HEATR1: variants seen among roughly 807,000 people sequenced by gnomAD.
HEATR1 encodes the protein HEAT repeat containing 1.
In HEATR1, 77 loss-of-function variants were observed where a neutral mutation model predicts 248.2. The ratio of observed to expected loss-of-function variants is 0.31; its 90% CI spans 0.26 to 0.37. HEATR1 has a LOEUF of 0.37. Ranked by LOEUF, HEATR1 falls within the 10% of genes least tolerant of loss-of-function variation. The probability of loss-of-function intolerance (pLI) is 1.00; values close to 1 mark genes in which losing one functional copy is unlikely to be tolerated. For synonymous variants in HEATR1, 897 were observed against 923.1 expected (o/e 0.97, Z 0.51); for missense variants, 2,420 against 2,504.9 (o/e 0.97, Z 0.72).
intron 3 of HEATR1, among the ~76,000 whole-genome samples, chr1:236,601,891 G>A (rs934715792): frequency 2.6e-5 from 4 of 151,740 alleles, no homozygotes; most frequent in Admixed American, 2.0e-4. Flanking sequence ...CAGCACTTTG[G>A]GAGGCTAAGA....
At chr1:236,583,477 C>T (rs1663806906) in intron 17 of HEATR1, among the ~76,000 whole-genome samples, 1 of 137,254 alleles carries the variant, frequency 7.3e-6, no homozygotes, top group Non-Finnish European at 1.5e-5. Flanking sequence ...AATAAATAGG[C>T]ATATTTCTTT....
chr1:236,585,014 G>C lies in HEATR1; in HGVS notation c.2241+11C>G, dbSNP rs1261182930. On this transcript the variant is annotated intron_variant, in intron 17 of 44. Transcript: ENST00000366582. ...CAACATCCCACTTTCTGGAGATTCT[G>C]CTTTCCTTACCACTGCAGTAATGAC... The C allele has an allele frequency of 3.1e-5, 50 of 1,599,418 alleles. No individual in the cohort carries two copies. The highest frequency in any genetic ancestry group is 4.1e-5 in the Non-Finnish European group (48 of 1,174,288).
Position 236,586,288 on chromosome 1 carries a change from T to G in HEATR1, c.1880A>C (p.Lys627Thr), listed in dbSNP as rs1243566907. Reference protein sequence around the residue: ...AEMKIAIYLSKSGICSLHPLL... With the variant: ...AEMKIAIYLSTSGICSLHPLL... Reference sequence around the variant, plus strand: ...AGGGTGCAGGGAGCAGATTCCTGATTTTGATAAATATATAGCAATTTTCAT... The same window carrying G: ...AGGGTGCAGGGAGCAGATTCCTGATGTTGATAAATATATAGCAATTTTCAT... Residue 627 changes from lysine to threonine, a missense_variant, in exon 15 of 45, where the codon AAA becomes ACA. Transcript: ENST00000366582. The G allele has an allele frequency of 6.2e-7, 1 of 1,613,420 alleles. No individual in the cohort carries two copies. The highest frequency in any genetic ancestry group is 1.7e-5 in the Admixed American group (1 of 60,016).
At position 236,571,791 on chromosome 1, in the gene HEATR1, A is replaced by G. The variant is rs141774386; in HGVS notation, c.3708-105T>C. ...AACTCATTCAATAAGGAACTCATTC[A>G]ATAAGGAATAACTAAAATACTATCA... On this transcript the variant is annotated intron_variant, in intron 26 of 44. Coordinates refer to ENST00000366582, the MANE Select transcript of HEATR1 (RefSeq NM_018072.6). 4,242 of 753,240 alleles carry G rather than the reference A, an allele frequency of 5.6e-3. 26 individuals carry two copies. The highest frequency in any genetic ancestry group is 7.4e-3 in the Non-Finnish European group (3,193 of 432,120). The allele number at this position is 753,240 out of a possible 1,614,324, so 46.7% of individuals were successfully genotyped here. A position where few individuals can be genotyped will look rare whatever the true frequency, so the allele number is the denominator to read the frequency against.
In HEATR1 at chr1:236,580,824, A is replaced by ATT. The variant is rs71178327; in HGVS notation, c.2755+396_2755+397dup. Among the ~76,000 whole-genome samples, 235 of 126,586 alleles carry ATT rather than the reference A, an allele frequency of 1.9e-3. 15 individuals are homozygous for ATT. Among genetic ancestry groups the ATT allele is most frequent in the African/African-American group, 1.8e-3 (57 of 31,598 alleles). 83.0% of individuals were successfully genotyped at this position (126,586 alleles called of 152,430 possible). ...AAGCCACCTCGCCTGGCCTTTATCG[A>ATT]TTTTTTTTTTTTTTGAGATGGAGTC... On this transcript the variant is annotated intron_variant, in intron 20 of 44. Coordinates refer to ENST00000366582, the MANE Select transcript of HEATR1 (RefSeq NM_018072.6).
At chr1:236,578,396 G>A (rs1381387659) in intron 20 of HEATR1, among the ~76,000 whole-genome samples, 3 of 152,210 alleles carry the variant, frequency 2.0e-5, no homozygotes, top group Admixed American at 1.3e-4. Flanking sequence ...CAATGAGAGT[G>A]ATGATTTCAG....
At chr1:236,569,850 T>C (rs1307956194) in intron 28 of HEATR1, among the ~76,000 whole-genome samples, 1 of 152,152 alleles carries the variant, frequency 6.6e-6, no homozygotes, top group Non-Finnish European at 1.5e-5. Context: ...AGCAACATAA[T>C]TTATAATAGC....
At position 236,581,296 on chromosome 1, in the gene HEATR1, A is replaced by C. The variant is rs1350260822; in HGVS notation, c.2681T>G (p.Leu894Arg). 6.2e-7 allele frequency: 1 copy of C among 1,613,736 alleles called. No individual in the cohort carries two copies. Among genetic ancestry groups the C allele is most frequent in the Non-Finnish European group, 8.5e-7 (1 of 1,179,926 alleles). Residue 894 changes from leucine (L) to arginine (R), a missense_variant, in exon 20 of 45, where the codon CTT becomes CGT. Physicochemically the swap from Leu to Arg is moderately radical, Grantham distance 102. Coordinates refer to ENST00000366582, the MANE Select transcript of HEATR1 (RefSeq NM_018072.6). ...SVKTVLQTQA[L>R]YVGCAMLSSQ... ...AGAAAGCATTGCACAGCCCACATAA[A>C]GAGCTTGAGTCTGCAGCACTGTTTT...
intron 44 of HEATR1, chr1:236,551,782 G>C (rs1349562943): frequency 7.9e-6 from 4 of 508,140 alleles, no homozygotes; most frequent in Middle Eastern, 5.3e-4. Context: ...ACTCTCAAAT[G>C]ATCAGGAGGT....
chr1:236,591,780 C>T (rs1216717474), intron 11 of HEATR1, among the ~76,000 whole-genome samples: 1 of 152,134 alleles, frequency 6.6e-6, no homozygotes, highest in Non-Finnish European at 1.5e-5. Flanking sequence ...ATAAGTATCA[C>T]GTTCATAGTT....
In HEATR1 at chr1:236,549,086, A is replaced by G. The variant is rs1019153833; in HGVS notation, c.*1816T>C. 2 of 398,298 alleles carry G rather than the reference A, an allele frequency of 5.0e-6. No homozygotes were observed. The highest frequency in any genetic ancestry group is 4.4e-6 in the Non-Finnish European group (1 of 225,900). The allele number at this position is 398,298 out of a possible 1,614,324, so 24.7% of individuals were successfully genotyped here. ...ATTCATAAGGCAGGCACTATCAGAA[A>G]GTGTACGCCAACTAAGGGACCCACA... On this transcript the variant is annotated 3_prime_UTR_variant, in exon 45 of 45. Coordinates refer to ENST00000366582, the MANE Select transcript of HEATR1 (RefSeq NM_018072.6).
Position 236,574,752 on chromosome 1 carries a change from G to A in HEATR1, c.3236C>T (p.Pro1079Leu), listed in dbSNP as rs767937308. The A allele has an allele frequency of 2.0e-5, 33 of 1,613,530 alleles. No homozygotes were observed. The African/African-American group carries it at 2.4e-4, about 12-fold the overall frequency. ...TTTTATAAATATATCTAGACTCTTC[G>A]GATCCTCATTTAAAAGGGAAACTGA... ...EFSVSLLNED[P>L]KSLDIFIKAV... Residue 1079 changes from proline to leucine, a missense_variant, in exon 23 of 45, where the codon CCG becomes CTG. By Grantham distance (98) the Pro-to-Leu change is moderately conservative (BLOSUM62 -3). Coordinates refer to ENST00000366582, the MANE Select transcript of HEATR1 (RefSeq NM_018072.6).
intron 12 of HEATR1, among the ~76,000 whole-genome samples, chr1:236,589,489 AAAAC>A (rs932894784): frequency 9.5e-6 from 1 of 104,884 alleles, no homozygotes; most frequent in Non-Finnish European, 2.7e-5. Flanking sequence ...TAGATGACAT[AAAAC>A]AAAAATTTTT....
intron 8 of HEATR1, among the ~76,000 whole-genome samples, chr1:236,595,317 TAAAAA>T (rs1664147853): frequency 6.6e-6 from 1 of 152,100 alleles, no homozygotes; most frequent in Admixed American, 6.6e-5. Flanking sequence ...ACACAGATCT[TAAAAA>T]AAGTAAAATT....
chr1:236,601,419 G>A (rs1572056395), intron 3 of HEATR1, among the ~76,000 whole-genome samples: 1 of 152,170 alleles, frequency 6.6e-6, no homozygotes, highest in East Asian at 1.9e-4. Context: ...GCTAATTTTT[G>A]TATTTTTCAC....
chr1:236,585,736 G>T, intron 16 of HEATR1, 84 bp downstream of exon 16: 1 of 1,442,620 alleles, frequency 6.9e-7, no homozygotes, highest in Non-Finnish European at 9.4e-7. Context: ...TTTTTTTTAA[G>T]AAAAATCTAG....
At chr1:236,563,935 C>T (rs1312708946) in intron 32 of HEATR1, among the ~76,000 whole-genome samples, 1 of 152,012 alleles carries the variant, frequency 6.6e-6, no homozygotes, top group Non-Finnish European at 1.5e-5. Context: ...GGTAATAGAG[C>T]GAGACCCTGT....
chr1:236,600,097 T>C (rs1664277273), intron 3 of HEATR1, among the ~76,000 whole-genome samples: 1 of 145,542 alleles, frequency 6.9e-6, no homozygotes, highest in South Asian at 2.2e-4. Flanking sequence ...CTCCCTGTGT[T>C]GCCCAGGCTG....
At chr1:236,596,079 A>G (rs1402030105) in intron 6 of HEATR1, 35 bp from the exon 7 acceptor site, 16 of 1,447,766 alleles carry the variant, frequency 1.1e-5, no homozygotes, top group Non-Finnish European at 1.4e-5. Flanking sequence ...AAAATGATAA[A>G]CCATATTATT....
Sources: gnomAD v4.1 joint callset for allele counts (sites outside exome capture counted in the v4.1 genomes callset) on GRCh38, gnomAD v4.1.1 for gene constraint, MANE v1.5 for transcripts, NCBI Gene and HGNC (gene_info 2026-07-23, HGNC 2026-07-21) for gene names.